The following TMC7 variants were observed in gnomAD, a reference collection of about 807,000 sequenced individuals.
The protein encoded by TMC7 is transmembrane channel-like protein 7.
TMC7 carries 54 observed loss-of-function variants against 82.9 expected under a neutral mutation model. That is an observed-to-expected ratio of 0.65 (90% CI 0.52 to 0.82). TMC7 has a LOEUF of 0.82. TMC7 is among the 40% of genes least tolerant of loss of function. The pLI is 0.00. For synonymous variants in TMC7, 350 were observed against 337.9 expected, an observed-to-expected ratio of 1.04 and a Z score of -0.39; for missense variants, 820 against 901.2, an observed-to-expected ratio of 0.91 and a Z score of 1.15.
chr16:19,025,056 C>T (rs1017720394), intron 5 of TMC7, among the ~76,000 whole-genome samples: 3 of 151,940 alleles, frequency 2.0e-5, no homozygotes, highest in Admixed American at 6.6e-5. Flanking sequence ...CATGAGCCAC[C>T]GTGCCCAGTG....
chr16:19,005,306 T>C (rs924132502), intron 1 of TMC7, among the ~76,000 whole-genome samples: 3 of 152,092 alleles, frequency 2.0e-5, no homozygotes, highest in Non-Finnish European at 2.9e-5. Context: ...AGCAGGATGG[T>C]CTTGATCTCC....
At position 19,045,445 on chromosome 16, in the gene TMC7, G is replaced by T. The variant is rs767135203; in HGVS notation, c.1553+7G>T. On this transcript the variant is annotated splice_region_variant and intron_variant, in intron 11 of 15. Transcript: ENST00000304381. ...TCGTGGATTTTCCTAGAAAGTAAGTGCGAGGGGTGCCCATATTATCCCCCC... is the reference window on the plus strand; with the variant it reads ...TCGTGGATTTTCCTAGAAAGTAAGTTCGAGGGGTGCCCATATTATCCCCCC... The T allele has an allele frequency of 6.2e-7, 1 of 1,600,658 alleles. No homozygotes were observed. Among genetic ancestry groups the T allele is most frequent in the Non-Finnish European group, 8.6e-7 (1 of 1,167,946 alleles).
At chr16:19,061,286 T>C (rs1961999265) in intron 15 of TMC7, among the ~76,000 whole-genome samples, 1 of 152,138 alleles carries the variant, frequency 6.6e-6, no homozygotes, top group East Asian at 1.9e-4. Flanking sequence ...GTGCTGAGAT[T>C]ACAGGCGTGA....
At chr16:19,019,431 T>A (rs1281760999) in intron 3 of TMC7, among the ~76,000 whole-genome samples, 1 of 152,244 alleles carries the variant, frequency 6.6e-6, no homozygotes, top group Non-Finnish European at 1.5e-5. Flanking sequence ...AGATTTAAGT[T>A]TAACATTATG....
chr16:19,061,611 T>C (rs1157625668), intron 15 of TMC7, among the ~76,000 whole-genome samples, 167 bp from the exon 16 acceptor site: 1 of 152,164 alleles, frequency 6.6e-6, no homozygotes, highest in Non-Finnish European at 1.5e-5. Flanking sequence ...AAAAAAAGGA[T>C]CGGCTGCTTT....
Position 19,040,460 on chromosome 16 carries a change from T to G in TMC7, c.1337+14T>G. Reference sequence around the variant, plus strand: ...GACAATCCTTAGGTAATGCCTAACATGAAGATGGCAGGCATGTCAAGCCAG... The same window carrying G: ...GACAATCCTTAGGTAATGCCTAACAGGAAGATGGCAGGCATGTCAAGCCAG... On this transcript the variant is annotated intron_variant, in intron 9 of 15. Coordinates refer to ENST00000304381, the MANE Select transcript of TMC7 (RefSeq NM_024847.4). The G allele has an allele frequency of 6.2e-7, 1 of 1,604,918 alleles. No homozygotes were observed. The highest frequency in any genetic ancestry group is 8.5e-7 in the Non-Finnish European group (1 of 1,177,970).
chr16:19,050,862 A>G (rs1009311071), intron 12 of TMC7, among the ~76,000 whole-genome samples: 4 of 151,992 alleles, frequency 2.6e-5, no homozygotes, highest in Non-Finnish European at 5.9e-5. Flanking sequence ...ACCTTTAACT[A>G]TAACCTAATG....
Position 19,041,084 on chromosome 16 carries a change from A to G in TMC7, c.1337+638A>G, listed in dbSNP as rs955156737. Among the ~76,000 whole-genome samples, 5 of 151,402 alleles carry G rather than the reference A, an allele frequency of 3.3e-5. No homozygotes were observed. The East Asian group carries it at 9.8e-4, about 30-fold the overall frequency. On this transcript the variant is annotated intron_variant, in intron 9 of 15. Transcript: ENST00000304381. ...TAAAAAAATTTTTTTTTTTGTAGAG[A>G]CAGGGTTTTGTTATGTTTCCCAGGC...
At chr16:19,021,174 G>A (rs1004069033) in intron 3 of TMC7, among the ~76,000 whole-genome samples, 15 of 152,154 alleles carry the variant, frequency 9.9e-5, no homozygotes, top group Non-Finnish European at 1.9e-4. Flanking sequence ...ATCTTGAGGA[G>A]TAACAAAGCT....
chr16:19,013,118 G>C (rs985589211), intron 2 of TMC7, among the ~76,000 whole-genome samples: 1 of 150,888 alleles, frequency 6.6e-6, no homozygotes, highest in Admixed American at 6.6e-5. Context: ...ACCGGGCCAG[G>C]AAGGACAATT....
chr16:19,027,093 CAG>C (rs369973324), intron 5 of TMC7, among the ~76,000 whole-genome samples: 1 of 67,480 alleles, frequency 1.5e-5, no homozygotes, highest in South Asian at 5.4e-4. Context: ...TTTTTAAAGA[CAG>C]AGTCTCGCTC....
At position 19,045,321 on chromosome 16, in the gene TMC7, C is replaced by T. The variant is rs2142283999; in HGVS notation, c.1456-20C>T. The T allele has an allele frequency of 1.9e-6, 3 of 1,601,918 alleles. No individual in the cohort carries two copies. Among genetic ancestry groups the T allele is most frequent in the Non-Finnish European group, 2.6e-6 (3 of 1,168,916 alleles). On this transcript the variant is annotated intron_variant, in intron 10 of 15. Transcript: ENST00000304381. ...CCTCAGCTAGGGTCTTTCAGTTTCC[C>T]TCACTCTCTTTGATTTCAGTGCTGG... is the stretch of plus-strand genomic sequence containing the variant.
Position 19,031,753 on chromosome 16 carries a change from G to C in TMC7, c.857+1384G>C, listed in dbSNP as rs151142327. Among the ~76,000 whole-genome samples the C allele has an allele frequency of 8.5e-4, 130 of 152,328 alleles. 4 individuals are homozygous for C. In the East Asian group the frequency reaches 0.018, roughly 21 times the overall value. On this transcript the variant is annotated intron_variant, in intron 6 of 15. Transcript: ENST00000304381. Reference sequence around the variant, plus strand: ...GTCCTGGGTGGGGGCACAGGTTAGTGTGGTAGAATTCATCTTATAGTATTC... The same window carrying C: ...GTCCTGGGTGGGGGCACAGGTTAGTCTGGTAGAATTCATCTTATAGTATTC...
At chr16:19,000,611 A>G in intron 1 of TMC7, among the ~76,000 whole-genome samples, 1 of 152,270 alleles carries the variant, frequency 6.6e-6, no homozygotes, top group Admixed American at 6.5e-5. Context: ...ATGAGAAGAA[A>G]AAGCAAAGCA....
At chr16:19,011,551 T>A (rs868573037) in intron 2 of TMC7, among the ~76,000 whole-genome samples, 16 of 81,226 alleles carry the variant, frequency 2.0e-4, no homozygotes, top group African/African-American at 3.9e-4. Context: ...ATAAATAAAA[T>A]AATAATAATA....
At chr16:18,996,801 T>A (rs2039050493) in intron 1 of TMC7, among the ~76,000 whole-genome samples, 1 of 152,138 alleles carries the variant, frequency 6.6e-6, no homozygotes, top group Non-Finnish European at 1.5e-5. Context: ...TGTGGGTGAA[T>A]GACCAAGGCA....
intron 7 of TMC7, 146 bp from the exon 8 acceptor site, chr16:19,037,728 C>T: frequency 1.3e-6 from 1 of 795,064 alleles, no homozygotes; most frequent in African/African-American, 1.8e-5. Context: ...CTACCTTGGC[C>T]TGCCACGGTG....
At chr16:19,007,996 T>A (rs1267125386) in intron 1 of TMC7, among the ~76,000 whole-genome samples, 2 of 152,140 alleles carry the variant, frequency 1.3e-5, no homozygotes, top group African/African-American at 2.4e-5. Flanking sequence ...CTTAGAAAGG[T>A]TAAGTAACTT....
chr16:19,061,102 C>CA (rs1961988468), intron 15 of TMC7, among the ~76,000 whole-genome samples: 1 of 151,108 alleles, frequency 6.6e-6, no homozygotes, highest in Non-Finnish European at 1.5e-5. Flanking sequence ...CTCCTGGGTT[C>CA]AAGCAATTCT....
Sources: gnomAD v4.1 joint callset for allele counts (sites outside exome capture counted in the v4.1 genomes callset) on GRCh38, gnomAD v4.1.1 for gene constraint, MANE v1.5 for transcripts, NCBI Gene and HGNC (gene_info 2026-07-23, HGNC 2026-07-21) for gene names.